GALNT13: variants seen among roughly 807,000 people sequenced by gnomAD.
GALNT13 encodes UDP-GalNAc:polypeptide N-acetylgalactosaminyltransferase 13.
GALNT13 carries 28 observed loss-of-function variants against 64.2 expected under a neutral mutation model. The observed-to-expected ratio is 0.44, with a 90% confidence interval of 0.32 to 0.60. The LOEUF (loss-of-function observed/expected upper bound fraction) is 0.60, where lower values mean the gene tolerates loss of function less well. Among genes scored for constraint, GALNT13 ranks in the 20% least tolerant of loss-of-function variants. The pLI is 0.05. For missense variants in GALNT13, 577 were observed against 669.8 expected, an observed-to-expected ratio of 0.86 and a Z score of 1.53; for synonymous variants, 214 against 224.6, an observed-to-expected ratio of 0.95 and a Z score of 0.42.
intron 9 of GALNT13, among the ~76,000 whole-genome samples, chr2:154,339,648 G>T (rs1179496333): frequency 6.6e-6 from 1 of 152,134 alleles, no homozygotes; most frequent in African/African-American, 2.4e-5. Context: ...ATTGTGCTCA[G>T]TTCACACACG....
chr2:153,901,160 G>T (rs1383537713), intron 2 of GALNT13, among the ~76,000 whole-genome samples, 153 bp downstream of exon 2: 5 of 151,988 alleles, frequency 3.3e-5, no homozygotes, highest in Non-Finnish European at 5.9e-5. Context: ...TATTTCTGGG[G>T]TCTTTATTCT....
At chr2:153,626,823 T>A in the GALNT13 span, among the ~76,000 whole-genome samples, 1 of 152,060 alleles carries the variant, frequency 6.6e-6, no homozygotes, top group Non-Finnish European at 1.5e-5. Flanking sequence ...ACCTAAAATA[T>A]TTCCTGGCTG....
At chr2:154,227,590 T>C (rs1243828580) in intron 4 of GALNT13, among the ~76,000 whole-genome samples, 1 of 151,030 alleles carries the variant, frequency 6.6e-6, no homozygotes, top group South Asian at 2.1e-4. Context: ...GTTTGGTTTT[T>C]TGTCCTTGCG....
At chr2:154,370,196 G>T (rs1202779501) in intron 9 of GALNT13, among the ~76,000 whole-genome samples, 1 of 152,028 alleles carries the variant, frequency 6.6e-6, no homozygotes, top group Non-Finnish European at 1.5e-5. Flanking sequence ...TACTGAGGGG[G>T]ATTTATATAT....
chr2:154,294,583 C>T (rs923932711), intron 8 of GALNT13, among the ~76,000 whole-genome samples: 1 of 152,108 alleles, frequency 6.6e-6, no homozygotes, highest in African/African-American at 2.4e-5. Context: ...GAAATCATGA[C>T]AAATTTATTT....
At chr2:154,379,044 C>T (rs1337036556) in intron 9 of GALNT13, among the ~76,000 whole-genome samples, 1 of 151,960 alleles carries the variant, frequency 6.6e-6, no homozygotes, top group African/African-American at 2.4e-5. Context: ...GCAGTAATTT[C>T]AGAGGACATA....
the GALNT13 span, among the ~76,000 whole-genome samples, chr2:153,317,641 C>T: frequency 6.6e-6 from 1 of 151,824 alleles, no homozygotes; most frequent in Non-Finnish European, 1.5e-5. Flanking sequence ...ACTGCCTTTC[C>T]CATACTGATA....
At chr2:153,870,684 T>G (rs1402750860), upstream of GALNT13, among the ~76,000 whole-genome samples, 1 of 151,402 alleles carries the variant, frequency 6.6e-6, no homozygotes, top group African/African-American at 2.4e-5. Context: ...GATATAAAGA[T>G]AATATCTCTG....
intron 8 of GALNT13, among the ~76,000 whole-genome samples, chr2:154,260,149 G>T (rs1198930150): frequency 6.6e-6 from 1 of 152,028 alleles, no homozygotes; most frequent in Non-Finnish European, 1.5e-5. Context: ...GCCTCCCAAA[G>T]AGTTGCGATT....
rs192394979 is a variant in GALNT13, at chr2:154,389,360, A to G, written c.1157-6631A>G. Among the ~76,000 whole-genome samples, 5 of 152,272 alleles carry G rather than the reference A, an allele frequency of 3.3e-5. No homozygotes were observed. The East Asian group carries it at 9.7e-4, about 29-fold the overall frequency. On this transcript the variant is annotated intron_variant, in intron 9 of 12. Coordinates refer to ENST00000392825, the MANE Select transcript of GALNT13 (RefSeq NM_052917.4). ...CACCATCTTGGCCACGCTGGTGTTG[A>G]ACTCCTGGCCTCAAGTGATCTGCCC...
the GALNT13 span, among the ~76,000 whole-genome samples, chr2:153,808,818 C>G: frequency 1.3e-5 from 2 of 152,292 alleles, no homozygotes; most frequent in Non-Finnish European, 2.9e-5. Context: ...ACTTTAATCA[C>G]TGTCTTGCAG....
At chr2:153,630,038 A>C in the GALNT13 span, among the ~76,000 whole-genome samples, 3 of 145,810 alleles carry the variant, frequency 2.1e-5, no homozygotes, top group Admixed American at 1.4e-4. Context: ...GAACACTTTT[A>C]CACTGTTGGT....
At chr2:154,413,864 T>C (rs1699895515) in intron 11 of GALNT13, among the ~76,000 whole-genome samples, 1 of 152,102 alleles carries the variant, frequency 6.6e-6, no homozygotes, top group South Asian at 2.1e-4. Flanking sequence ...TTGTTTAACA[T>C]ACAATATTTA....
chr2:153,804,991 A>C, the GALNT13 span, among the ~76,000 whole-genome samples: 1 of 152,018 alleles, frequency 6.6e-6, no homozygotes, highest in Non-Finnish European at 1.5e-5. Context: ...TTAGAAATTA[A>C]AGTAGTCTAA....
chr2:153,987,696 A>C (rs1027164748), intron 3 of GALNT13, among the ~76,000 whole-genome samples: 51 of 151,966 alleles, frequency 3.4e-4, no homozygotes, highest in African/African-American at 1.2e-3. Context: ...GACCACATAG[A>C]CAAAAAAAGG....
chr2:153,190,590 T>A, the GALNT13 span, among the ~76,000 whole-genome samples: 1 of 152,042 alleles, frequency 6.6e-6, no homozygotes, highest in Non-Finnish European at 1.5e-5. Context: ...CATACAAATT[T>A]TAGGATTTTC....
chr2:153,624,205 C>T, the GALNT13 span, among the ~76,000 whole-genome samples: 1 of 152,040 alleles, frequency 6.6e-6, no homozygotes, highest in Non-Finnish European at 1.5e-5. Context: ...TTCCTTATGT[C>T]TTACTTGAAG....
the GALNT13 span, among the ~76,000 whole-genome samples, chr2:153,770,055 GT>G: frequency 6.6e-6 from 1 of 152,024 alleles, no homozygotes; most frequent in Non-Finnish European, 1.5e-5. Context: ...AGTTTTTTAT[GT>G]GGTATTTCAA....
rs1553489591 is a variant in GALNT13, at chr2:154,176,240, A to ATTTAT, written c.311+35737_311+35738insTATTT. ...GTTTAAGGTCTAGTAGAACATATAT[A>ATTTAT]TTATTTATTTATTTATTTATTTATT... On this transcript the variant is annotated intron_variant, in intron 4 of 12. Coordinates refer to ENST00000392825, the MANE Select transcript of GALNT13 (RefSeq NM_052917.4). Among the ~76,000 whole-genome samples the ATTTAT allele has an allele frequency of 3.0e-5, 4 of 132,750 alleles. No individual in the cohort carries two copies. The South Asian group carries it at 1.0e-3, about 34-fold the overall frequency. The allele number at this position is 132,750 out of a possible 152,430, so 87.1% of individuals were successfully genotyped here.
Sources: gnomAD v4.1 joint callset for allele counts (sites outside exome capture counted in the v4.1 genomes callset) on GRCh38, gnomAD v4.1.1 for gene constraint, MANE v1.5 for transcripts, NCBI Gene and HGNC (gene_info 2026-07-23, HGNC 2026-07-21) for gene names.